Variants in DUSP8 observed in about 807,000 individuals in gnomAD.
The protein encoded by DUSP8 is dual specificity phosphatase 8.
Under a neutral mutation model 38.7 loss-of-function variants are expected in DUSP8, and 15 were observed. That is an observed-to-expected ratio of 0.39 (90% CI 0.26 to 0.60). The LOEUF is 0.60. DUSP8 is among the 20% of genes least tolerant of loss of function. The pLI is 0.56. For synonymous variants in DUSP8, 458 were observed against 433.9 expected, an observed-to-expected ratio of 1.06 and a Z score of -0.69; for missense variants, 768 against 915.0, an observed-to-expected ratio of 0.84 and a Z score of 2.07.
intron 2 of DUSP8, 79 bp downstream of exon 2, chr11:1,565,517 G>C (rs1848787460): frequency 1.7e-6 from 2 of 1,156,834 alleles, no homozygotes; most frequent in Non-Finnish European, 1.2e-6. Flanking sequence ...GCAGAGGAGG[G>C]GGGTGCTGCC....
At chr11:1,566,580 C>T (rs559221667) in intron 1 of DUSP8, among the ~76,000 whole-genome samples, 1 of 152,274 alleles carries the variant, frequency 6.6e-6, no homozygotes, top group South Asian at 2.1e-4. Context: ...GGCTCCTTTG[C>T]CACTGCTGCC....
intron 1 of DUSP8, among the ~76,000 whole-genome samples, chr11:1,566,437 C>A (rs547348328): frequency 6.6e-6 from 1 of 152,144 alleles, no homozygotes; most frequent in Non-Finnish European, 1.5e-5. Flanking sequence ...AGACTTGACT[C>A]CAGGGCAGCT....
intron 2 of DUSP8, 44 bp downstream of exon 2, chr11:1,565,552 G>A: frequency 6.6e-7 from 1 of 1,505,468 alleles, no homozygotes; most frequent in African/African-American, 1.4e-5. Flanking sequence ...CTTAGCTGTG[G>A]ACCCTGGACG....
Position 1,557,015 on chromosome 11 carries a change from C to CG in DUSP8, c.1380dup (p.Ala461ArgfsTer105). On this transcript the variant is annotated frameshift_variant, in exon 7 of 7. Transcript: ENST00000397374. LOFTEE classifies it high-confidence loss of function. The surrounding 1 kb of genome is among the most constrained non-coding windows in gnomAD (Gnocchi z 9.9). ...GCGGGGGAGCGCGCGGGGGAGCCGG[C>CG]GGGGGGCCGGGGCCGCCGGCGGGGC... 4 of 1,026,150 alleles carry CG rather than the reference C, an allele frequency of 3.9e-6. No individual in the cohort carries two copies. The highest frequency in any genetic ancestry group is 2.3e-6 in the Non-Finnish European group (2 of 858,912). 63.6% of individuals were successfully genotyped at this position (1,026,150 alleles called of 1,614,324 possible). A position where few individuals can be genotyped will look rare whatever the true frequency, so the allele number is the denominator to read the frequency against.
intron 1 of DUSP8, chr11:1,571,266 C>CT (rs1848887364): frequency 6.6e-6 from 1 of 152,318 alleles, no homozygotes. Flanking sequence ...GCCCCTCCCC[C>CT]AGCGCCGCGG....
chr11:1,555,434 C>A lies in DUSP8; in HGVS notation c.*1084G>T. 1 of 986,352 alleles carries A rather than the reference C, an allele frequency of 1.0e-6. No homozygotes were observed. Among genetic ancestry groups the A allele is most frequent in the Non-Finnish European group, 1.2e-6 (1 of 830,022 alleles). The allele number at this position is 986,352 out of a possible 1,614,324, so 61.1% of individuals were successfully genotyped here. On this transcript the variant is annotated 3_prime_UTR_variant, in exon 7 of 7. Transcript: ENST00000397374. ...TGAGCAGCACCTGCTCACAGAGCCC[C>A]TCAGCCTGCAGGTGCACACCTGAAT...
rs113161544 is a variant in DUSP8, at chr11:1,557,788, T to C, written c.821+6A>G. 169,777 of 1,612,344 alleles carry C rather than the reference T, an allele frequency of 0.11. 9,714 individuals are homozygous for C. The highest frequency in any genetic ancestry group is 0.12 in the Non-Finnish European group (136,548 of 1,179,846). ...GCCACAAGTGCGCGACTGGGGAAGGTGGTACCTGTAGGCGTCGTCGGAGGA... is the reference window on the plus strand; with the variant it reads ...GCCACAAGTGCGCGACTGGGGAAGGCGGTACCTGTAGGCGTCGTCGGAGGA... On this transcript the variant is annotated splice_donor_region_variant and intron_variant, in intron 6 of 6. Coordinates refer to ENST00000397374, the MANE Select transcript of DUSP8 (RefSeq NM_004420.3). The surrounding 1 kb of genome is among the most constrained non-coding windows in gnomAD (Gnocchi z 9.9).
chr11:1,557,143 T>C lies in DUSP8; in HGVS notation c.1253A>G (p.Glu418Gly). 7.0e-7 allele frequency: 1 copy of C among 1,424,906 alleles called. No homozygotes were observed. Among genetic ancestry groups the C allele is most frequent in the East Asian group, 3.1e-5 (1 of 32,362 alleles). 88.3% of individuals were successfully genotyped at this position (1,424,906 alleles called of 1,614,324 possible). A position where few individuals can be genotyped will look rare whatever the true frequency, so the allele number is the denominator to read the frequency against. The change falls in exon 7 of 7, where the codon GAG (glutamate) becomes GGG (glycine). Residue 418 changes from glutamate (E) to glycine (G), a missense_variant. Glu to Gly is a moderately conservative substitution (Grantham distance 98). This residue lies in a region of DUSP8 where 474 missense variants were observed against 430.8 expected (regional missense o/e 1.10). Transcript: ENST00000397374. The surrounding 1 kb of genome is among the most constrained non-coding windows in gnomAD (Gnocchi z 9.9). ...PDGPGPPDPG[E>G]APKLCKLDSP... ...GTCCAGCTTGCAGAGCTTCGGGGCC[T>C]CGCCGGGGTCGGGGGGCCCGGGGCC...
In DUSP8 at chr11:1,562,969, C is replaced by T. The variant is rs148695788; in HGVS notation, c.370+882G>A. ...GTCGGCCTGGCCAAAGCGGCTGCCA[C>T]CCCTTCATCCCCCACAGTCGCCCTC... On this transcript the variant is annotated intron_variant, in intron 3 of 6. Transcript: ENST00000397374. Among the ~76,000 whole-genome samples, 384 of 152,276 alleles carry T rather than the reference C, an allele frequency of 2.5e-3. 4 individuals carry two copies. The highest frequency in any genetic ancestry group is 0.021 in the South Asian group (100 of 4,826).
chr11:1,569,621 G>A (rs928423488), intron 1 of DUSP8, among the ~76,000 whole-genome samples: 4 of 152,080 alleles, frequency 2.6e-5, no homozygotes, highest in Admixed American at 6.5e-5. Flanking sequence ...CACACCCAGC[G>A]TCTCTGTGCA....
rs1338830811 is a variant in DUSP8 at position 1,556,294 on chromosome 11, C to T, written c.*224G>A. On this transcript the variant is annotated 3_prime_UTR_variant, in exon 7 of 7. Coordinates refer to ENST00000397374, the MANE Select transcript of DUSP8 (RefSeq NM_004420.3). This position sits in a 1 kb window ranked among gnomAD's most constrained non-coding sequence, Gnocchi z 5.2. ...AAGGTGGCCTCGTATTGCTTAGAAACGTATGTTTCAGTTTAAATACCAGAC... is the reference window on the plus strand; with the variant it reads ...AAGGTGGCCTCGTATTGCTTAGAAATGTATGTTTCAGTTTAAATACCAGAC... 2 of 577,946 alleles carry T rather than the reference C, an allele frequency of 3.5e-6. No individual in the cohort carries two copies. The highest frequency in any genetic ancestry group is 3.6e-5 in the East Asian group (1 of 27,616). 35.8% of individuals were successfully genotyped at this position (577,946 alleles called of 1,614,324 possible). A position where few individuals can be genotyped will look rare whatever the true frequency, so the allele number is the denominator to read the frequency against.
rs764736268 is a variant in DUSP8, at chr11:1,563,940, C to T, written c.281G>A (p.Arg94Gln). The T allele has an allele frequency of 3.1e-5, 48 of 1,541,302 alleles. No homozygotes were observed. The highest frequency in any genetic ancestry group is 9.9e-5 in the East Asian group (4 of 40,554). ...GTCTGCGGCCAGCACGCTGGCGTCC[C>T]GCGTGCTCTGGTCATAGACCACCAC... ...QDVVVYDQSTRDASVLAADSF... is the reference protein window; with the variant it reads ...QDVVVYDQSTQDASVLAADSF... Residue 94 changes from arginine (R) to glutamine (Q), a missense_variant, in exon 3 of 7, where the codon CGG becomes CAG. By Grantham distance (43) the Arg-to-Gln change is conservative (BLOSUM62 1). Coordinates refer to ENST00000397374, the MANE Select transcript of DUSP8 (RefSeq NM_004420.3).
At chr11:1,559,125 T>A in intron 3 of DUSP8, 70 bp from the exon 4 acceptor site, 1 of 1,463,894 alleles carries the variant, frequency 6.8e-7, no homozygotes, top group Non-Finnish European at 9.2e-7. Flanking sequence ...GGGTGCCCTG[T>A]CCGCCTAGGG....
At chr11:1,567,315 C>T (rs541809505) in intron 1 of DUSP8, among the ~76,000 whole-genome samples, 7 of 152,334 alleles carry the variant, frequency 4.6e-5, no homozygotes, top group African/African-American at 7.2e-5. Context: ...TGGGGGGAGG[C>T]GCCCTGAGGA....
chr11:1,555,240 T>TAG lies in DUSP8; in HGVS notation c.*1276_*1277dup, dbSNP rs1275932365. ...TGTGTTTGGGGGCTGGCATGCCACC[T>TAG]AGAGAGAGAGCACCCTGGGAAAGGG... On this transcript the variant is annotated 3_prime_UTR_variant, in exon 7 of 7. Coordinates refer to ENST00000397374, the MANE Select transcript of DUSP8 (RefSeq NM_004420.3). The TAG allele has an allele frequency of 1.0e-6, 1 of 987,618 alleles. No individual in the cohort carries two copies. Among genetic ancestry groups the TAG allele is most frequent in the Non-Finnish European group, 1.2e-6 (1 of 830,154 alleles). The allele number at this position is 987,618 out of a possible 1,614,324, so 61.2% of individuals were successfully genotyped here.
intron 3 of DUSP8, among the ~76,000 whole-genome samples, chr11:1,561,371 CCA>C (rs1416849445): frequency 3.9e-5 from 6 of 152,216 alleles, no homozygotes; most frequent in African/African-American, 1.4e-4. Flanking sequence ...GCGCTTATGG[CCA>C]CAGTCACAGA....
chr11:1,564,502 C>T (rs534197229), intron 2 of DUSP8, among the ~76,000 whole-genome samples: 18 of 152,304 alleles, frequency 1.2e-4, no homozygotes, highest in Non-Finnish European at 2.4e-4. Context: ...AGGGCTGCAG[C>T]AGGACCCCAG....
intron 1 of DUSP8, 44 bp downstream of exon 1, chr11:1,571,857 C>G (rs1367335517): frequency 1.4e-5 from 2 of 146,942 alleles, no homozygotes; most frequent in Admixed American, 6.8e-5. Context: ...CCGGTGAACC[C>G]CATCCCCGGC....
At chr11:1,559,699 G>A (rs1276880357) in intron 3 of DUSP8, among the ~76,000 whole-genome samples, 1 of 152,212 alleles carries the variant, frequency 6.6e-6, no homozygotes, top group Non-Finnish European at 1.5e-5. Flanking sequence ...CACCCAGCAG[G>A]GGAGGACGGA....
Sources: allele counts gnomAD v4.1 joint callset (sites outside exome capture counted in the v4.1 genomes callset), GRCh38; gene constraint gnomAD v4.1.1; regional missense constraint gnomAD v4.1.1; non-coding constraint Gnocchi (gnomAD v3.1); transcripts MANE v1.5; gene names NCBI Gene and HGNC (gene_info 2026-07-23, HGNC 2026-07-21).